The following PSD3 variants were observed in gnomAD, a reference collection of about 807,000 sequenced individuals.
PSD3 encodes pleckstrin and Sec7 domain containing 3.
PSD3 carries 49 observed loss-of-function variants against 105.5 expected under a neutral mutation model. That is an observed-to-expected ratio of 0.46 (90% CI 0.37 to 0.59). The LOEUF (loss-of-function observed/expected upper bound fraction) is 0.59. PSD3 is among the 20% of genes least tolerant of loss of function. The pLI, the probability that PSD3 is intolerant of heterozygous loss-of-function variation, is 0.00. For missense variants in PSD3, 1,561 were observed against 1,263.8 expected, an observed-to-expected ratio of 1.24 and a Z score of -3.57; for synonymous variants, 557 against 457.8, an observed-to-expected ratio of 1.22 and a Z score of -2.77.
chr8:18,797,662 A>T (rs1810308679), intron 8 of PSD3, among the ~76,000 whole-genome samples: 1 of 152,344 alleles, frequency 6.6e-6, no homozygotes, highest in Non-Finnish European at 1.5e-5. Flanking sequence ...AGTATTATTA[A>T]AGCTATATTA....
intron 1 of PSD3, among the ~76,000 whole-genome samples, chr8:19,058,843 T>C (rs1828795267): frequency 6.6e-6 from 1 of 152,120 alleles, no homozygotes; most frequent in Non-Finnish European, 1.5e-5. Flanking sequence ...GAAGTGAGGA[T>C]GTTGTCATTG....
rs199623018 is a variant in PSD3, at chr8:18,984,629, T to C, written c.21+28934A>G. Among the ~76,000 whole-genome samples, 27 of 152,354 alleles carry C rather than the reference T, an allele frequency of 1.8e-4. No homozygotes were observed. In the East Asian group the frequency reaches 2.7e-3, roughly 15 times the overall value. On this transcript the variant is annotated intron_variant, in intron 1 of 15. Transcript: ENST00000327040. ...CCACAATATAATTTTGTGAATTTTGTAGTCTTACCAAATTGTATTATAATT... is the reference window on the plus strand; with the variant it reads ...CCACAATATAATTTTGTGAATTTTGCAGTCTTACCAAATTGTATTATAATT...
At chr8:19,003,538 T>C (rs1196411005) in intron 1 of PSD3, among the ~76,000 whole-genome samples, 2 of 152,014 alleles carry the variant, frequency 1.3e-5, no homozygotes, top group Non-Finnish European at 2.9e-5. Context: ...TCCATGCCCT[T>C]TTCTCCCCAT....
intron 1 of PSD3, among the ~76,000 whole-genome samples, chr8:19,064,140 C>CA (rs377631709): frequency 0.011 from 1,627 of 148,582 alleles, 22 homozygotes; most frequent in African/African-American, 0.038. Flanking sequence ...GACTCTGTCT[C>CA]AAAAAAAAAG....
intron 4 of PSD3, among the ~76,000 whole-genome samples, chr8:18,840,109 T>C (rs1344493564): frequency 1.3e-5 from 2 of 152,194 alleles, no homozygotes; most frequent in East Asian, 1.9e-4. Context: ...CTCTAGGTCT[T>C]GAGCAAAATC....
intron 8 of PSD3, among the ~76,000 whole-genome samples, chr8:18,776,281 A>C (rs1370511332): frequency 6.8e-6 from 1 of 146,204 alleles, no homozygotes; most frequent in African/African-American, 2.5e-5. Flanking sequence ...TAATGTATAA[A>C]TATATATATA....
intron 1 of PSD3, among the ~76,000 whole-genome samples, chr8:18,989,630 T>C (rs1026213361): frequency 1.3e-5 from 2 of 152,248 alleles, no homozygotes; most frequent in African/African-American, 4.8e-5. Context: ...ACATTTTCTA[T>C]GCTCATAGTA....
intron 9 of PSD3, among the ~76,000 whole-genome samples, chr8:18,658,819 T>G (rs866412112): frequency 1.3e-5 from 2 of 152,096 alleles, no homozygotes; most frequent in African/African-American, 4.8e-5. Flanking sequence ...ATAAAAAGTA[T>G]GCTCTAGTAG....
intron 15 of PSD3, among the ~76,000 whole-genome samples, chr8:18,545,132 G>C (rs979785432): frequency 6.6e-6 from 1 of 152,074 alleles, no homozygotes; most frequent in African/African-American, 2.4e-5. Context: ...TGTTTCTCTA[G>C]CTCTCAAAAT....
chr8:18,562,055 A>G (rs1292600660), intron 14 of PSD3, among the ~76,000 whole-genome samples: 1 of 152,224 alleles, frequency 6.6e-6, no homozygotes, highest in Non-Finnish European at 1.5e-5. Flanking sequence ...TGGCTCCAAG[A>G]GGGAAAGGAG....
chr8:18,863,722 G>T (rs1816623688), intron 4 of PSD3, among the ~76,000 whole-genome samples: 1 of 151,954 alleles, frequency 6.6e-6, no homozygotes, highest in African/African-American at 2.4e-5. Context: ...TGTCACAAAG[G>T]TATTTAATAC....
chr8:18,970,341 A>AC (rs1429717328), intron 1 of PSD3, among the ~76,000 whole-genome samples: 2 of 150,054 alleles, frequency 1.3e-5, no homozygotes, highest in Admixed American at 1.3e-4. Flanking sequence ...AAAAAAAAAA[A>AC]AAAAAAACAA....
At chr8:18,934,425 T>A (rs1821941566) in intron 2 of PSD3, among the ~76,000 whole-genome samples, 1 of 152,216 alleles carries the variant, frequency 6.6e-6, no homozygotes, top group Non-Finnish European at 1.5e-5. Context: ...GATCCTTTTT[T>A]TTTGAGACGG....
At chr8:18,686,932 G>A (rs1800692328) in intron 9 of PSD3, among the ~76,000 whole-genome samples, 1 of 152,050 alleles carries the variant, frequency 6.6e-6, no homozygotes, top group South Asian at 2.1e-4. Context: ...AGGACCTTCT[G>A]TGACCATCCT....
chr8:18,974,764 G>C (rs1824838163), intron 1 of PSD3, among the ~76,000 whole-genome samples: 1 of 152,058 alleles, frequency 6.6e-6, no homozygotes, highest in African/African-American at 2.4e-5. Context: ...CTGGGCTTGG[G>C]TTTAAACTGC....
intron 14 of PSD3, among the ~76,000 whole-genome samples, chr8:18,561,537 T>C (rs1462321648): frequency 6.6e-6 from 1 of 152,166 alleles, no homozygotes; most frequent in Admixed American, 6.6e-5. Flanking sequence ...TTCTGTTGTG[T>C]ATCATGATGG....
intron 8 of PSD3, among the ~76,000 whole-genome samples, chr8:18,788,967 T>C (rs1375407822): frequency 6.6e-6 from 1 of 152,182 alleles, no homozygotes; most frequent in Non-Finnish European, 1.5e-5. Context: ...AAACCAGGAC[T>C]ACAGTGGATA....
chr8:18,761,646 A>T (rs1311783395), intron 9 of PSD3, among the ~76,000 whole-genome samples: 1 of 152,196 alleles, frequency 6.6e-6, no homozygotes, highest in African/African-American at 2.4e-5. Context: ...GCTAGCCTGC[A>T]TTCTACATTC....
At chr8:18,558,543 G>A (rs986243836) in intron 14 of PSD3, among the ~76,000 whole-genome samples, 4 of 152,062 alleles carry the variant, frequency 2.6e-5, no homozygotes, top group Non-Finnish European at 5.9e-5. Flanking sequence ...AAGTGTAGCC[G>A]GGTGTGGGGT....
Sources: allele counts gnomAD v4.1 joint callset (sites outside exome capture counted in the v4.1 genomes callset), GRCh38; gene constraint gnomAD v4.1.1; transcripts MANE v1.5; gene names NCBI Gene and HGNC (gene_info 2026-07-23, HGNC 2026-07-21).